JAKMIP3: variants seen among roughly 807,000 people sequenced by gnomAD.
JAKMIP3 encodes the protein janus kinase and microtubule-interacting protein 3.
A neutral mutation model predicts 118.5 loss-of-function variants in JAKMIP3; 58 were observed. The observed-to-expected ratio is 0.49, with a 90% CI of 0.40 to 0.61. JAKMIP3 has a LOEUF of 0.61. Ranked by LOEUF, JAKMIP3 falls within the 20% of genes least tolerant of loss-of-function variation. JAKMIP3 has a pLI of 0.00. For synonymous variants in JAKMIP3, 486 were observed against 451.2 expected, an observed-to-expected ratio of 1.08 and a Z score of -0.98; for missense variants, 950 against 1,109.0, an observed-to-expected ratio of 0.86 and a Z score of 2.04.
At position 132,132,403 on chromosome 10, in the gene JAKMIP3, G is replaced by A. The variant is rs371440386; in HGVS notation, c.634-909G>A. On this transcript the variant is annotated intron_variant, in intron 3 of 23. Coordinates refer to ENST00000684848, the MANE Select transcript of JAKMIP3 (RefSeq NM_001323087.2). Reference sequence around the variant, plus strand: ...AGTGCCGAGCGTGTCTGTCTGAAGAGCGGGGGCTGTCGGGTCTGCTGTGCC... The same window carrying A: ...AGTGCCGAGCGTGTCTGTCTGAAGAACGGGGGCTGTCGGGTCTGCTGTGCC... Among the ~76,000 whole-genome samples the A allele has an allele frequency of 2.4e-4, 37 of 152,354 alleles. No individual in the cohort carries two copies. In the East Asian group the frequency reaches 4.3e-3, roughly 18 times the overall value.
intron 3 of JAKMIP3, among the ~76,000 whole-genome samples, chr10:132,124,243 C>T (rs1294067787): frequency 1.3e-5 from 2 of 152,256 alleles, no homozygotes; most frequent in Admixed American, 6.5e-5. Context: ...TGCGTCACAG[C>T]CGAGCCGGCC....
intron 8 of JAKMIP3, 103 bp from the exon 9 acceptor site, chr10:132,138,015 GT>G: frequency 1.8e-6 from 2 of 1,102,284 alleles, no homozygotes; most frequent in Non-Finnish European, 2.7e-6. Context: ...CCCAGACACC[GT>G]CTTCCCTGTC....
rs563971700 is a variant in JAKMIP3, at chr10:132,179,300, G to A, written c.*1104-3057G>A. 5.7e-4 allele frequency among the ~76,000 whole-genome samples: 87 copies of A among 152,248 alleles called. 1 individual carries two copies. The highest frequency in any genetic ancestry group is 1.6e-3 in the Admixed American group (24 of 15,294). ...CGGTCACGGGGCTGTATTTGTTGACGGGACTTTTGGGCTCCCCGGGCTCTG... is the reference window on the plus strand; with the variant it reads ...CGGTCACGGGGCTGTATTTGTTGACAGGACTTTTGGGCTCCCCGGGCTCTG... On this transcript the variant is annotated intron_variant, in intron 23 of 23. Transcript: ENST00000684848. This position sits in a 1 kb window ranked among gnomAD's most constrained non-coding sequence, Gnocchi z 4.3.
intron 19 of JAKMIP3, among the ~76,000 whole-genome samples, chr10:132,156,953 C>A (rs2136292182): frequency 1.3e-5 from 2 of 152,246 alleles, no homozygotes; most frequent in Middle Eastern, 6.8e-3. Flanking sequence ...AAAAAGTTCA[C>A]TACGTGCCCA....
rs750392941 is a variant in JAKMIP3 at position 132,168,384 on chromosome 10, C to T, written c.*454C>T. 16 of 1,289,438 alleles carry T rather than the reference C, an allele frequency of 1.2e-5. No individual in the cohort carries two copies. The highest frequency in any genetic ancestry group is 1.5e-5 in the Non-Finnish European group (15 of 988,814). The allele number at this position is 1,289,438 out of a possible 1,614,324, so 79.9% of individuals were successfully genotyped here. A position where few individuals can be genotyped will look rare whatever the true frequency, so the allele number is the denominator to read the frequency against. On this transcript the variant is annotated 3_prime_UTR_variant, in exon 23 of 24. Transcript: ENST00000684848. ...GGAAGATTTTCAGAAACAACAGAGG[C>T]TTGGCCTGATGACAAGATGAAAGCT...
At chr10:132,082,049 G>A (rs1006921402) in intron 1 of JAKMIP3, among the ~76,000 whole-genome samples, 2 of 150,732 alleles carry the variant, frequency 1.3e-5, no homozygotes, top group African/African-American at 4.9e-5. Context: ...TGAGTCCCAG[G>A]TCTCTGCTCA....
upstream of JAKMIP3, among the ~76,000 whole-genome samples, chr10:132,064,364 C>A (rs1589730013): frequency 6.6e-6 from 1 of 152,336 alleles, no homozygotes; most frequent in East Asian, 1.9e-4. This position sits in a 1 kb window ranked among gnomAD's most constrained non-coding sequence, Gnocchi z 4.4. Context: ...GGGGGCACTG[C>A]CCTCGTCAGG....
At chr10:132,090,075 G>A (rs1189871222) in intron 1 of JAKMIP3, among the ~76,000 whole-genome samples, 1 of 152,174 alleles carries the variant, frequency 6.6e-6, no homozygotes, top group African/African-American at 2.4e-5. Context: ...GATCATGGTG[G>A]ATAAGCTTTT....
intron 1 of JAKMIP3, among the ~76,000 whole-genome samples, chr10:132,052,479 C>T (rs542277790): frequency 1.3e-5 from 2 of 152,328 alleles, no homozygotes; most frequent in South Asian, 4.1e-4. Context: ...ATATCTTCAA[C>T]TTTTGCATCT....
chr10:132,126,489 G>A (rs577158347), intron 3 of JAKMIP3, among the ~76,000 whole-genome samples: 3 of 151,982 alleles, frequency 2.0e-5, no homozygotes, highest in Non-Finnish European at 4.4e-5. Flanking sequence ...TTGTTGTAGA[G>A]ACAGGGTCTC....
At chr10:132,119,342 G>A (rs1345732578) in intron 3 of JAKMIP3, among the ~76,000 whole-genome samples, 1 of 152,152 alleles carries the variant, frequency 6.6e-6, no homozygotes, top group African/African-American at 2.4e-5. Context: ...AGTCTAATTT[G>A]CTTATCTTTC....
At chr10:132,109,002 C>T (rs899270775) in intron 2 of JAKMIP3, among the ~76,000 whole-genome samples, 11 of 134,234 alleles carry the variant, frequency 8.2e-5, no homozygotes, top group African/African-American at 2.3e-4. Context: ...TACATATACA[C>T]GCAAATGTAT....
intron 16 of JAKMIP3, among the ~76,000 whole-genome samples, chr10:132,150,627 C>T (rs1441894779): frequency 6.6e-6 from 1 of 152,136 alleles, no homozygotes; most frequent in Non-Finnish European, 1.5e-5. Context: ...TCTATCTATC[C>T]TGTGTAATCC....
intron 9 of JAKMIP3, among the ~76,000 whole-genome samples, 185 bp downstream of exon 9, chr10:132,138,363 G>T (rs2052365355): frequency 6.8e-6 from 1 of 146,764 alleles, no homozygotes; most frequent in Non-Finnish European, 1.5e-5. Context: ...TGCGTGTGGA[G>T]AGGACCGCGC....
At chr10:132,146,010 C>A (rs1035945840) in intron 13 of JAKMIP3, among the ~76,000 whole-genome samples, 1 of 152,164 alleles carries the variant, frequency 6.6e-6, no homozygotes, top group African/African-American at 2.4e-5. Flanking sequence ...GGGGAAGAGC[C>A]CATGGACCAG....
At chr10:132,083,941 A>G (rs1188565855) in intron 1 of JAKMIP3, among the ~76,000 whole-genome samples, 1 of 152,102 alleles carries the variant, frequency 6.6e-6, no homozygotes, top group Non-Finnish European at 1.5e-5. Flanking sequence ...CTATGGCCTT[A>G]TAGTATAGTT....
At chr10:132,072,872 G>C (rs2040188223) in intron 1 of JAKMIP3, among the ~76,000 whole-genome samples, 1 of 152,142 alleles carries the variant, frequency 6.6e-6, no homozygotes, top group Admixed American at 6.5e-5. Flanking sequence ...AGTGAACACT[G>C]TATCCAATAG....
chr10:132,103,051 G>A (rs1439276505), intron 1 of JAKMIP3, among the ~76,000 whole-genome samples: 1 of 151,980 alleles, frequency 6.6e-6, no homozygotes, highest in East Asian at 1.9e-4. Flanking sequence ...TTGTGGGGGT[G>A]GGGGCTGTGT....
intron 2 of JAKMIP3, among the ~76,000 whole-genome samples, chr10:132,109,767 T>C (rs2046565165): frequency 6.6e-6 from 1 of 152,222 alleles, no homozygotes; most frequent in Non-Finnish European, 1.5e-5. Flanking sequence ...GAAACAGGAC[T>C]ATGGGAAGCC....
Sources: allele counts gnomAD v4.1 joint callset (sites outside exome capture counted in the v4.1 genomes callset), GRCh38; gene constraint gnomAD v4.1.1; non-coding constraint Gnocchi (gnomAD v3.1); transcripts MANE v1.5; gene names NCBI Gene and HGNC (gene_info 2026-07-23, HGNC 2026-07-21).